TASP1: variants seen among roughly 807,000 people sequenced by gnomAD.
TASP1 encodes taspase 1, also known as threonine aspartase 1.
A neutral mutation model predicts 56.6 loss-of-function variants in TASP1; 16 were observed. The ratio of observed to expected loss-of-function variants is 0.28; its 90% CI spans 0.19 to 0.43. TASP1 has a LOEUF of 0.43. Ranked by LOEUF, TASP1 falls within the 20% of genes least tolerant of loss-of-function variation. The pLI is 1.00. For missense variants in TASP1, 393 were observed against 511.6 expected (o/e 0.77, Z 2.24); for synonymous variants, 179 against 184.2 (o/e 0.97, Z 0.23).
At chr20:13,500,263 G>GTA (rs113343133) in intron 10 of TASP1, among the ~76,000 whole-genome samples, 29,391 of 140,314 alleles carry the variant, frequency 0.21, 3,214 homozygotes, top group Middle Eastern at 0.28. Context: ...GTGTATGTGT[G>GTA]TATATATATA....
At chr20:13,315,614 C>T in the TASP1 span, among the ~76,000 whole-genome samples, 2 of 152,000 alleles carry the variant, frequency 1.3e-5, no homozygotes, top group Admixed American at 6.6e-5. Flanking sequence ...CAACATCCCT[C>T]ATAGTTGAAC....
intron 10 of TASP1, among the ~76,000 whole-genome samples, chr20:13,487,907 A>G (rs557987760): frequency 2.6e-5 from 4 of 152,290 alleles, no homozygotes; most frequent in African/African-American, 9.6e-5. Flanking sequence ...AAAACTAAAA[A>G]ATCATTCTTA....
At chr20:13,468,865 G>GTGT (rs1555866504) in intron 11 of TASP1, among the ~76,000 whole-genome samples, 17 of 142,676 alleles carry the variant, frequency 1.2e-4, no homozygotes, top group African/African-American at 2.8e-4. Flanking sequence ...ATGTGTGTGT[G>GTGT]TTTTTTTTTT....
the TASP1 span, among the ~76,000 whole-genome samples, chr20:13,200,515 T>C: frequency 6.6e-6 from 1 of 152,212 alleles, no homozygotes; most frequent in African/African-American, 2.4e-5. Flanking sequence ...TCTCTGAGGC[T>C]GAATACCAGT....
chr20:13,360,851 A>C, the TASP1 span, among the ~76,000 whole-genome samples: 5 of 152,090 alleles, frequency 3.3e-5, no homozygotes, highest in Non-Finnish European at 2.9e-5. Flanking sequence ...CCATGACTGT[A>C]TCTCTCTGAT....
At chr20:13,634,568 A>C (rs772846380) in intron 1 of TASP1, among the ~76,000 whole-genome samples, 9 of 152,100 alleles carry the variant, frequency 5.9e-5, no homozygotes, top group Non-Finnish European at 1.2e-4. Flanking sequence ...CGTCTCTACT[A>C]AAAATACAAA....
the TASP1 span, among the ~76,000 whole-genome samples, chr20:13,146,461 GT>G: frequency 6.6e-6 from 1 of 152,034 alleles, no homozygotes; most frequent in Non-Finnish European, 1.5e-5. Flanking sequence ...ATTTACAAGG[GT>G]TCCCAGAAGG....
the TASP1 span, among the ~76,000 whole-genome samples, chr20:13,330,443 C>T: frequency 2.7e-5 from 4 of 149,618 alleles, no homozygotes; most frequent in African/African-American, 4.8e-5. Context: ...TGGACTTTTG[C>T]ATCTATATTT....
chr20:13,516,170 A>C (rs2146758944), intron 10 of TASP1, among the ~76,000 whole-genome samples: 1 of 152,274 alleles, frequency 6.6e-6, no homozygotes, highest in Admixed American at 6.5e-5. Context: ...GTGCCATAAA[A>C]GGCACTAGTT....
At chr20:13,455,977 T>C (rs2043818509) in intron 11 of TASP1, among the ~76,000 whole-genome samples, 1 of 152,136 alleles carries the variant, frequency 6.6e-6, no homozygotes, top group African/African-American at 2.4e-5. Flanking sequence ...CCAGATCAGC[T>C]GCAGACAAGA....
chr20:13,625,569 T>C (rs1474125268), intron 2 of TASP1, among the ~76,000 whole-genome samples: 4 of 152,234 alleles, frequency 2.6e-5, no homozygotes, highest in Non-Finnish European at 2.9e-5. Flanking sequence ...CTGCAGCTAA[T>C]AACCCAGAAG....
the TASP1 span, among the ~76,000 whole-genome samples, chr20:13,266,740 A>C: frequency 3.0e-4 from 45 of 152,302 alleles, no homozygotes; most frequent in African/African-American, 1.0e-3. Flanking sequence ...GACTTTCCTA[A>C]GGTATCATTT....
At chr20:13,626,430 AAAAC>A (rs924196508) in intron 2 of TASP1, among the ~76,000 whole-genome samples, 8 of 152,202 alleles carry the variant, frequency 5.3e-5, no homozygotes, top group African/African-American at 1.9e-4. Flanking sequence ...TTGACTCCAA[AAAAC>A]AAACAAACAA....
At chr20:13,634,728 CAAA>C (rs559609508) in intron 1 of TASP1, among the ~76,000 whole-genome samples, 2 of 53,410 alleles carry the variant, frequency 3.7e-5, no homozygotes, top group African/African-American at 1.5e-4. Flanking sequence ...AAACTCCGTC[CAAA>C]AAAAAAAAAA....
the TASP1 span, among the ~76,000 whole-genome samples, chr20:13,131,170 T>C: frequency 6.6e-6 from 1 of 152,244 alleles, no homozygotes; most frequent in Non-Finnish European, 1.5e-5. Flanking sequence ...TACTCATGTT[T>C]AAATCTTCGA....
the TASP1 span, among the ~76,000 whole-genome samples, chr20:13,296,513 G>T: frequency 6.6e-6 from 1 of 152,206 alleles, no homozygotes; most frequent in Non-Finnish European, 1.5e-5. Context: ...TCAAGGTTAG[G>T]CAAGGAGAGT....
At chr20:13,161,195 A>G in the TASP1 span, among the ~76,000 whole-genome samples, 1 of 152,216 alleles carries the variant, frequency 6.6e-6, no homozygotes, top group Admixed American at 6.5e-5. Context: ...ATCAAAGACA[A>G]TTTGAGGTCT....
At chr20:13,377,043 C>T in the TASP1 span, among the ~76,000 whole-genome samples, 1 of 152,194 alleles carries the variant, frequency 6.6e-6, no homozygotes, top group Non-Finnish European at 1.5e-5. Context: ...GACTTCCTCT[C>T]TTCCTATTTG....
At chr20:13,109,176 T>C in the TASP1 span, among the ~76,000 whole-genome samples, 1 of 152,236 alleles carries the variant, frequency 6.6e-6, no homozygotes, top group South Asian at 2.1e-4. Flanking sequence ...CATCAACCTC[T>C]GATAGCAGAT....
Sources: gnomAD v4.1 joint callset for allele counts (sites outside exome capture counted in the v4.1 genomes callset) on GRCh38, gnomAD v4.1.1 for gene constraint, MANE v1.5 for transcripts, NCBI Gene and HGNC (gene_info 2026-07-23, HGNC 2026-07-21) for gene names.